The following KANK1 variants were observed in gnomAD, a reference collection of about 807,000 sequenced individuals.
KANK1 encodes the protein KN motif and ankyrin repeat domains 1, also known as KN motif and ankyrin repeat domain-containing protein 1.
In KANK1, 109 loss-of-function variants were observed where a neutral mutation model predicts 106.2. The ratio of observed to expected loss-of-function variants is 1.03; its 90% CI spans 0.88 to 1.20. The LOEUF (loss-of-function observed/expected upper bound fraction) is 1.20, where lower values mean the gene tolerates loss of function less well. Ranked by LOEUF, KANK1 falls within the 50% of genes most tolerant of loss-of-function variation. KANK1 has a pLI of 0.00. For synonymous variants in KANK1, 873 were observed against 652.2 expected (o/e 1.34, Z -5.16); for missense variants, 2,399 against 1,710.7 (o/e 1.40, Z -7.10).
At chr9:482,722 G>A (rs1386385569) in intron 3 of KANK1, among the ~76,000 whole-genome samples, 2 of 152,208 alleles carry the variant, frequency 1.3e-5, no homozygotes, top group Non-Finnish European at 2.9e-5. Context: ...CCTATCATTG[G>A]ATGTAAGCAG....
intron 3 of KANK1, among the ~76,000 whole-genome samples, chr9:729,339 G>C (rs1831588384): frequency 6.6e-6 from 1 of 152,198 alleles, no homozygotes; most frequent in Admixed American, 6.5e-5. Context: ...TGGGCTGTGA[G>C]AGTTCAGGGC....
intron 2 of KANK1, chr9:684,670 C>T: frequency 2.7e-6 from 2 of 735,362 alleles, no homozygotes; most frequent in Non-Finnish European, 3.3e-6. Flanking sequence ...AGCTCATTTG[C>T]TTCCTTTTCC....
At chr9:693,856 T>G (rs754688572) in intron 2 of KANK1, 2 of 959,440 alleles carry the variant, frequency 2.1e-6, no homozygotes, top group Non-Finnish European at 2.5e-6. Context: ...TGGTGAAATA[T>G]AAACTCGAGC....
chr9:695,023 C>A (rs1820893375), intron 2 of KANK1, among the ~76,000 whole-genome samples: 1 of 152,164 alleles, frequency 6.6e-6, no homozygotes. Context: ...CCACTGACCC[C>A]CCTCATTTTA....
intron 3 of KANK1, among the ~76,000 whole-genome samples, chr9:481,056 T>TA (rs1255701742): frequency 6.6e-6 from 1 of 152,238 alleles, no homozygotes; most frequent in East Asian, 1.9e-4. Context: ...TCAGAACACT[T>TA]ACATGAGCCT....
At chr9:654,299 T>C (rs1319986005) in intron 1 of KANK1, among the ~76,000 whole-genome samples, 3 of 152,154 alleles carry the variant, frequency 2.0e-5, no homozygotes. Flanking sequence ...AATAACAGTC[T>C]TAGAAGGCAG....
At chr9:690,133 CAAAAAAA>C (rs57837964) in intron 2 of KANK1, among the ~76,000 whole-genome samples, 11 of 61,664 alleles carry the variant, frequency 1.8e-4, no homozygotes, top group East Asian at 5.3e-4. Context: ...TCTAAAAATA[CAAAAAAA>C]AAAAAAAAAA....
At chr9:729,206 G>C (rs945828170) in intron 3 of KANK1, among the ~76,000 whole-genome samples, 2 of 152,188 alleles carry the variant, frequency 1.3e-5, no homozygotes, top group East Asian at 3.8e-4. Context: ...GATTTGTTAA[G>C]AGAAAGTTGA....
chr9:704,964 G>T (rs1477018373), intron 2 of KANK1, among the ~76,000 whole-genome samples: 1 of 123,514 alleles, frequency 8.1e-6, no homozygotes, highest in Non-Finnish European at 1.6e-5. Flanking sequence ...CGTCACTCCA[G>T]CCTGGGCAAC....
At chr9:552,222 C>T (rs1045789991) in intron 1 of KANK1, among the ~76,000 whole-genome samples, 1 of 152,138 alleles carries the variant, frequency 6.6e-6, no homozygotes, top group Admixed American at 6.5e-5. Context: ...TGCAGACACC[C>T]TGAGGTAGAA....
At chr9:726,979 A>G (rs1297602403) in intron 3 of KANK1, among the ~76,000 whole-genome samples, 1 of 152,212 alleles carries the variant, frequency 6.6e-6, no homozygotes, top group African/African-American at 2.4e-5. Flanking sequence ...AAAATAAAAA[A>G]TTATTTACCA....
chr9:606,173 AC>A lies in KANK1; in HGVS notation c.-83-70716del, dbSNP rs1456316053. On this transcript the variant is annotated intron_variant, in intron 1 of 11. Transcript: ENST00000382297. ...CACACACACACACACACACACACAC[AC>A]ACACACACCACTCACACATATATAC... is the stretch of plus-strand genomic sequence containing the variant. Among the ~76,000 whole-genome samples, 1,451 of 149,256 alleles carry A rather than the reference AC, an allele frequency of 9.7e-3. 59 individuals are homozygous for A. The highest frequency in any genetic ancestry group is 0.034 in the African/African-American group (1,374 of 40,326).
At chr9:594,853 C>A (rs1430426981) in intron 1 of KANK1, among the ~76,000 whole-genome samples, 1 of 151,776 alleles carries the variant, frequency 6.6e-6, no homozygotes, top group African/African-American at 2.4e-5. Context: ...CCTCTTTCAA[C>A]CTTTAATGTA....
intron 1 of KANK1, among the ~76,000 whole-genome samples, chr9:632,541 C>A (rs891102045): frequency 7.2e-5 from 11 of 152,122 alleles, no homozygotes; most frequent in African/African-American, 2.7e-4. Context: ...TAATTTTTTA[C>A]AACTTCTTTC....
intron 2 of KANK1, among the ~76,000 whole-genome samples, chr9:700,564 G>A (rs938118641): frequency 1.3e-5 from 2 of 152,132 alleles, no homozygotes; most frequent in South Asian, 2.1e-4. Flanking sequence ...TGCTGACGTG[G>A]GATCTTTTTG....
At chr9:727,492 T>C (rs1231030606) in intron 3 of KANK1, among the ~76,000 whole-genome samples, 1 of 151,842 alleles carries the variant, frequency 6.6e-6, no homozygotes, top group Non-Finnish European at 1.5e-5. Flanking sequence ...AATTTTTGTA[T>C]TTTTGTAGAG....
At chr9:480,787 G>A (rs539828462) in intron 3 of KANK1, among the ~76,000 whole-genome samples, 34 of 152,316 alleles carry the variant, frequency 2.2e-4, no homozygotes, top group African/African-American at 8.2e-4. Context: ...CTGAAGATCT[G>A]CAGATTAGGG....
chr9:691,121 G>C (rs1819804556), intron 2 of KANK1, among the ~76,000 whole-genome samples: 3 of 152,148 alleles, frequency 2.0e-5, no homozygotes, highest in South Asian at 2.1e-4. Flanking sequence ...GTCATCGTCT[G>C]ATAAAGGACT....
chr9:532,751 TA>T (rs1047761617), intron 1 of KANK1, among the ~76,000 whole-genome samples: 1 of 152,182 alleles, frequency 6.6e-6, no homozygotes. Flanking sequence ...TGGAAGTGCG[TA>T]AAACTGCTTC....
Sources: allele counts gnomAD v4.1 joint callset (sites outside exome capture counted in the v4.1 genomes callset), GRCh38; gene constraint gnomAD v4.1.1; transcripts MANE v1.5; gene names NCBI Gene and HGNC (gene_info 2026-07-23, HGNC 2026-07-21).